GRID2: variants seen among roughly 807,000 people sequenced by gnomAD.
GRID2 encodes the protein glutamate ionotropic receptor delta type subunit 2, also known as glutamate receptor ionotropic, delta-2.
A neutral mutation model predicts 114.8 loss-of-function variants in GRID2; 33 were observed. That is an observed-to-expected ratio of 0.29 (90% CI 0.22 to 0.38). The LOEUF is 0.38. GRID2 is among the 10% of genes least tolerant of loss of function. GRID2 has a pLI of 1.00. For missense variants in GRID2, 1,184 were observed against 1,257.7 expected, an observed-to-expected ratio of 0.94 and a Z score of 0.89; for synonymous variants, 505 against 449.9, an observed-to-expected ratio of 1.12 and a Z score of -1.55.
chr4:92,828,016 T>C (rs1380494972), intron 2 of GRID2, among the ~76,000 whole-genome samples: 2 of 152,074 alleles, frequency 1.3e-5, no homozygotes, highest in Non-Finnish European at 2.9e-5. Flanking sequence ...GAATTCCTAT[T>C]GCAGATTCAG....
chr4:93,797,619 T>C (rs548755109), intron 1 of GRID2, among the ~76,000 whole-genome samples: 183 of 152,210 alleles, frequency 1.2e-3, no homozygotes, highest in African/African-American at 4.3e-3. Flanking sequence ...TACTTCAGCA[T>C]TTTTCCCTCC....
Position 92,497,522 on chromosome 4 carries a change from A to G in GRID2, c.89-92609A>G. 2.0e-5 allele frequency among the ~76,000 whole-genome samples: 3 copies of G among 152,040 alleles called. No individual in the cohort carries two copies. In the South Asian group the frequency reaches 6.2e-4, roughly 31 times the overall value. ...ATTAGCCTATAATTTTATCTAAATT[A>G]TATCTTTGTATTCAGATTGAATGAT... On this transcript the variant is annotated intron_variant, in intron 1 of 15. Transcript: ENST00000282020.
chr4:92,442,782 G>C (rs1175071415), intron 1 of GRID2, among the ~76,000 whole-genome samples: 1 of 152,148 alleles, frequency 6.6e-6, no homozygotes, highest in Admixed American at 6.5e-5. Context: ...TGATGAAAAA[G>C]AGCCTAAACG....
At chr4:93,615,878 T>C (rs1038458546) in intron 13 of GRID2, among the ~76,000 whole-genome samples, 1 of 152,138 alleles carries the variant, frequency 6.6e-6, no homozygotes, top group Non-Finnish European at 1.5e-5. Flanking sequence ...TTTTCAAAAA[T>C]CATCAAGCAA....
At chr4:93,071,012 T>C (rs890574057) in intron 2 of GRID2, among the ~76,000 whole-genome samples, 2 of 152,112 alleles carry the variant, frequency 1.3e-5, no homozygotes, top group Non-Finnish European at 2.9e-5. Flanking sequence ...ATCTTTCCTC[T>C]CATAGAGCTT....
chr4:93,026,040 T>G (rs142408350), intron 2 of GRID2, among the ~76,000 whole-genome samples: 1 of 151,890 alleles, frequency 6.6e-6, no homozygotes, highest in East Asian at 1.9e-4. Flanking sequence ...AATTTTCTAA[T>G]TCATTTAAAG....
chr4:92,444,804 G>C (rs1347654016), intron 1 of GRID2, among the ~76,000 whole-genome samples: 2 of 152,176 alleles, frequency 1.3e-5, no homozygotes, highest in Admixed American at 6.5e-5. Context: ...TTACTTAGAT[G>C]TTTATTTTTG....
intron 14 of GRID2, among the ~76,000 whole-genome samples, chr4:93,653,204 A>G (rs1722739175): frequency 6.6e-6 from 1 of 152,188 alleles, no homozygotes; most frequent in Non-Finnish European, 1.5e-5. Context: ...GAGTTATAAT[A>G]AAGGAACAAT....
At chr4:92,374,063 G>C (rs903460052) in intron 1 of GRID2, among the ~76,000 whole-genome samples, 3 of 151,874 alleles carry the variant, frequency 2.0e-5, no homozygotes, top group African/African-American at 7.3e-5. Flanking sequence ...CCGTCTAAAT[G>C]GACCTCCTCC....
chr4:92,957,954 C>A (rs570850171), intron 2 of GRID2, among the ~76,000 whole-genome samples: 1 of 152,022 alleles, frequency 6.6e-6, no homozygotes, highest in Admixed American at 6.6e-5. Flanking sequence ...TCCTCTTGTT[C>A]ATTCATGGCA....
In GRID2 at chr4:93,110,873, G is replaced by A. The variant is rs767030397; in HGVS notation, c.655G>A (p.Glu219Lys). 1.9e-6 allele frequency: 3 copies of A among 1,612,334 alleles called. No homozygotes were observed. Among genetic ancestry groups the A allele is most frequent in the South Asian group, 1.1e-5 (1 of 91,048 alleles). Residue 219 changes from glutamate (E) to lysine (K), a missense_variant, in exon 4 of 16, where the codon GAA (glutamate) becomes AAA (lysine). Coordinates refer to ENST00000282020, the MANE Select transcript of GRID2 (RefSeq NM_001510.4). ...TCTCTTTGACACCATGAGAATAGAA[G>A]AACTGAATCGCTATCGAGACACTCT... is the stretch of plus-strand genomic sequence containing the variant. ...TTLFDTMRIE[E>K]LNRYRDTLRR...
intron 14 of GRID2, among the ~76,000 whole-genome samples, chr4:93,716,427 C>G (rs1728909100): frequency 6.6e-6 from 1 of 152,030 alleles, no homozygotes; most frequent in Non-Finnish European, 1.5e-5. Flanking sequence ...GCAAATTACT[C>G]AAAATATAGC....
At chr4:93,032,348 C>G (rs1025634588) in intron 2 of GRID2, among the ~76,000 whole-genome samples, 3 of 152,076 alleles carry the variant, frequency 2.0e-5, no homozygotes, top group Non-Finnish European at 1.5e-5. Context: ...TTATTTTGGG[C>G]AGGATCACAA....
At chr4:92,410,835 ATTTTTTTTT>A (rs5860274) in intron 1 of GRID2, among the ~76,000 whole-genome samples, 1 of 117,866 alleles carries the variant, frequency 8.5e-6, no homozygotes, top group Non-Finnish European at 1.7e-5. Context: ...CTGCAAAAGC[ATTTTTTTTT>A]TTTTTTTTTT....
At chr4:92,915,360 G>C (rs1748699568) in intron 2 of GRID2, among the ~76,000 whole-genome samples, 1 of 152,080 alleles carries the variant, frequency 6.6e-6, no homozygotes, top group African/African-American at 2.4e-5. Context: ...GGCTTACTTG[G>C]GGCAAGTATA....
chr4:92,315,751 A>T (rs1725933696), intron 1 of GRID2, among the ~76,000 whole-genome samples: 1 of 151,974 alleles, frequency 6.6e-6, no homozygotes, highest in East Asian at 1.9e-4. Context: ...CGGGTGGATC[A>T]CCTGAGGTCA....
At position 92,884,931 on chromosome 4, in the gene GRID2, T is replaced by TC. The variant is rs1357510821; in HGVS notation, c.245-200060dup. The TC allele has an allele frequency of 2.1e-5, 7 of 329,164 alleles. No homozygotes were observed. The East Asian group carries it at 2.4e-4, about 11-fold the overall frequency. The allele number at this position is 329,164 out of a possible 1,614,324, so 20.4% of individuals were successfully genotyped here. ...GATGATAAGCTGGTGACATTTGGTCTCCCCAAAAAAAAAAAATCGCATCTA... is the reference window on the plus strand; with the variant it reads ...GATGATAAGCTGGTGACATTTGGTCTCCCCCAAAAAAAAAAAATCGCATCTA... On this transcript the variant is annotated intron_variant, in intron 2 of 15. Transcript: ENST00000282020.
At chr4:92,486,391 C>T (rs1579449345) in intron 1 of GRID2, among the ~76,000 whole-genome samples, 5 of 151,844 alleles carry the variant, frequency 3.3e-5, no homozygotes, top group African/African-American at 7.2e-5. Flanking sequence ...CTTTCATATA[C>T]TCCTTGTCAT....
chr4:93,769,832 C>T (rs762178510), intron 15 of GRID2, among the ~76,000 whole-genome samples: 2 of 152,198 alleles, frequency 1.3e-5, no homozygotes, highest in East Asian at 1.9e-4. Context: ...GTAAATTCCT[C>T]GTATCTCTAA....
Sources: gnomAD v4.1 joint callset for allele counts (sites outside exome capture counted in the v4.1 genomes callset) on GRCh38, gnomAD v4.1.1 for gene constraint, MANE v1.5 for transcripts, NCBI Gene and HGNC (gene_info 2026-07-23, HGNC 2026-07-21) for gene names.